The following CYP4F11 variants were observed in gnomAD, a reference collection of about 807,000 sequenced individuals.
CYP4F11 encodes cytochrome P450 4F11.
Under a neutral mutation model 62.2 loss-of-function variants are expected in CYP4F11, and 79 were observed. That is an observed-to-expected ratio of 1.27 (90% CI 1.06 to 1.53). The LOEUF is 1.53. Ranked by LOEUF, CYP4F11 falls within the 40% of genes most tolerant of loss-of-function variation. The pLI, the probability that CYP4F11 is intolerant of heterozygous loss-of-function variation, is 0.00. For missense variants in CYP4F11, 777 were observed against 680.5 expected (o/e 1.14, Z -1.58); for synonymous variants, 290 against 263.7 (o/e 1.10, Z -0.97).
Position 15,913,636 on chromosome 19 carries a change from A to G in CYP4F11, c.*96T>C. ...CCTTTCTTAGATCCCACCAGTCCCCAGGAGCCCCATGCTGGCTGTCAACGA... is the reference window on the plus strand; with the variant it reads ...CCTTTCTTAGATCCCACCAGTCCCCGGGAGCCCCATGCTGGCTGTCAACGA... On this transcript the variant is annotated 3_prime_UTR_variant, in exon 12 of 12. Coordinates refer to ENST00000402119, the MANE Select transcript of CYP4F11 (RefSeq NM_021187.4). 1 of 1,492,218 alleles carries G rather than the reference A, an allele frequency of 6.7e-7. No homozygotes were observed. The highest frequency in any genetic ancestry group is 9.2e-7 in the Non-Finnish European group (1 of 1,087,374). 92.4% of individuals were successfully genotyped at this position (1,492,218 alleles called of 1,614,324 possible).
At chr19:15,931,537 T>C (rs1183481455) in intron 1 of CYP4F11, among the ~76,000 whole-genome samples, 1 of 100,184 alleles carries the variant, frequency 1.0e-5, no homozygotes, top group Admixed American at 9.6e-5. Context: ...GAGGAATGAG[T>C]GAGCGGGGAG....
In CYP4F11 at chr19:15,914,803, G is replaced by C. The variant is rs774851894; in HGVS notation, c.1208C>G (p.Thr403Arg). 4.3e-6 allele frequency: 7 copies of C among 1,614,154 alleles called. No individual in the cohort carries two copies. The East Asian group carries it at 1.3e-4, about 31-fold the overall frequency. The stretch of plus-strand genomic sequence containing the variant: ...GCCGTCTGGGAGCACAAAGTCCTGC[G>C]TGCAACATCGGGAGATGACCGGGAC... ...PPVPVISRCC[T>R]QDFVLPDGRV... is the part of the protein sequence containing the mutation. Residue 403 changes from threonine to arginine, a missense_variant, in exon 9 of 12, where the codon ACG becomes AGG. Transcript: ENST00000402119.
intron 1 of CYP4F11, 87 bp downstream of exon 1, chr19:15,934,124 C>T: frequency 2.0e-6 from 3 of 1,473,242 alleles, no homozygotes; most frequent in South Asian, 2.4e-5. Flanking sequence ...CAGCCACCCT[C>T]AAAACCCAGC....
chr19:15,923,092 A>G (rs575651407), intron 6 of CYP4F11, among the ~76,000 whole-genome samples: 59 of 152,322 alleles, frequency 3.9e-4, no homozygotes, highest in African/African-American at 1.4e-3. Flanking sequence ...TATTACTCTG[A>G]ATGTATTTGC....
intron 8 of CYP4F11, among the ~76,000 whole-genome samples, chr19:15,920,285 T>C (rs938384656): frequency 4.6e-5 from 7 of 152,108 alleles, no homozygotes; most frequent in Non-Finnish European, 8.8e-5. Context: ...TAAAGATACA[T>C]TGTTAGTGGG....
chr19:15,921,084 CTCTCTCTCTCTCTCTCTCT>C (rs2089624997), intron 8 of CYP4F11, among the ~76,000 whole-genome samples: 1 of 139,622 alleles, frequency 7.2e-6, no homozygotes, highest in African/African-American at 2.9e-5. Flanking sequence ...CTCTCTCTCT[CTCTCTCTCTCTCTCTCTCT>C]CCCTCTCTCT....
Position 15,913,657 on chromosome 19 carries a change from A to C in CYP4F11, c.*75T>G. 1 of 1,581,388 alleles carries C rather than the reference A, an allele frequency of 6.3e-7. No homozygotes were observed. Among genetic ancestry groups the C allele is most frequent in the Non-Finnish European group, 8.6e-7 (1 of 1,156,190 alleles). The stretch of plus-strand genomic sequence containing the variant: ...CCCCAGGAGCCCCATGCTGGCTGTC[A>C]ACGAGGCTCAAGCAGAGGTGTCAGC... On this transcript the variant is annotated 3_prime_UTR_variant, in exon 12 of 12. Coordinates refer to ENST00000402119, the MANE Select transcript of CYP4F11 (RefSeq NM_021187.4).
intron 8 of CYP4F11, among the ~76,000 whole-genome samples, chr19:15,918,920 T>A (rs1197535968): frequency 1.4e-5 from 2 of 138,738 alleles, no homozygotes; most frequent in African/African-American, 5.2e-5. Flanking sequence ...AAATATGGAA[T>A]GTTATGCCAT....
At chr19:15,921,987 G>A in intron 8 of CYP4F11, 50 bp downstream of exon 8, 1 of 1,517,958 alleles carries the variant, frequency 6.6e-7, no homozygotes, top group Non-Finnish European at 8.8e-7. Flanking sequence ...CCCACCTGAG[G>A]AGCAGAACCA....
chr19:15,928,771 G>T (rs190133357), intron 2 of CYP4F11, among the ~76,000 whole-genome samples: 10 of 152,318 alleles, frequency 6.6e-5, no homozygotes, highest in Admixed American at 2.0e-4. Flanking sequence ...CCCAGACTGG[G>T]GTGGGATCTC....
chr19:15,914,149 C>T (rs993581430), intron 11 of CYP4F11, among the ~76,000 whole-genome samples, 156 bp downstream of exon 11: 2 of 152,150 alleles, frequency 1.3e-5, no homozygotes, highest in Non-Finnish European at 2.9e-5. Context: ...GCAGACCCCT[C>T]TAGGACCTTC....
chr19:15,925,549 A>G (rs560469377), intron 4 of CYP4F11, among the ~76,000 whole-genome samples: 1 of 151,998 alleles, frequency 6.6e-6, no homozygotes, highest in Non-Finnish European at 1.5e-5. Flanking sequence ...AAGCATAAGG[A>G]CAAATACCTA....
At chr19:15,928,810 G>A (rs997302194) in intron 2 of CYP4F11, among the ~76,000 whole-genome samples, 5 of 152,148 alleles carry the variant, frequency 3.3e-5, no homozygotes, top group African/African-American at 7.2e-5. Flanking sequence ...GCCTGGAGCA[G>A]GAGAGCCATG....
Position 15,913,065 on chromosome 19 carries a change from G to A in CYP4F11, c.*667C>T, listed in dbSNP as rs887435015. The A allele has an allele frequency of 2.6e-5, 4 of 154,348 alleles. No homozygotes were observed. Among genetic ancestry groups the A allele is most frequent in the African/African-American group, 4.8e-5 (2 of 41,352 alleles). 9.6% of individuals were successfully genotyped at this position (154,348 alleles called of 1,614,324 possible). On this transcript the variant is annotated 3_prime_UTR_variant, in exon 12 of 12. Transcript: ENST00000402119. ...TCAGGAAAACCCTGATATAGGTAAT[G>A]CTGTTGTCTCCATTATATGGTTGAG...
chr19:15,914,793 A>C lies in CYP4F11; in HGVS notation c.1218T>G (p.Phe406Leu), dbSNP rs1474217759. The change falls in exon 9 of 12, where the codon TTT (phenylalanine) becomes TTG (leucine). Residue 406 changes from phenylalanine to leucine, a missense_variant. By Grantham distance (22) the Phe-to-Leu change is conservative. Coordinates refer to ENST00000402119, the MANE Select transcript of CYP4F11 (RefSeq NM_021187.4). ...GGATGACGCGGCCGTCTGGGAGCAC[A>C]AAGTCCTGCGTGCAACATCGGGAGA... ...PVISRCCTQDFVLPDGRVIPK... is the reference protein window; with the variant it reads ...PVISRCCTQDLVLPDGRVIPK... 1.2e-6 allele frequency: 2 copies of C among 1,614,058 alleles called. No homozygotes were observed. Among genetic ancestry groups the C allele is most frequent in the African/African-American group, 2.7e-5 (2 of 74,912 alleles).
chr19:15,920,222 TA>T (rs1401798951), intron 8 of CYP4F11, among the ~76,000 whole-genome samples: 1 of 152,124 alleles, frequency 6.6e-6, no homozygotes, highest in African/African-American at 2.4e-5. Context: ...AAAGACAAAT[TA>T]AAAAACAAAC....
chr19:15,925,335 C>T (rs766092813), intron 4 of CYP4F11, among the ~76,000 whole-genome samples: 2 of 152,122 alleles, frequency 1.3e-5, no homozygotes, highest in Non-Finnish European at 2.9e-5. Flanking sequence ...CAACCAAAGC[C>T]TCATGGGGTT....
At position 15,922,136 on chromosome 19, in the gene CYP4F11, C is replaced by T; in HGVS notation, c.1016G>A (p.Trp339Ter). 1.9e-6 allele frequency: 3 copies of T among 1,613,334 alleles called. No homozygotes were observed. Among genetic ancestry groups the T allele is most frequent in the Non-Finnish European group, 2.5e-6 (3 of 1,179,732 alleles). Residue 339 changes from tryptophan to a stop codon, truncating the protein, a stop_gained, in exon 8 of 12, where the codon TGG becomes TAG. Transcript: ENST00000402119. LOFTEE classifies it high-confidence loss of function. ...GTGCTTTGCAAGGTGGTATAGGACCCAGGAGAGACCACTGGCTGTAGTGTC... is the reference window on the plus strand; with the variant it reads ...GTGCTTTGCAAGGTGGTATAGGACCTAGGAGAGACCACTGGCTGTAGTGTC... The part of the protein sequence containing the change: ...GHDTTASGLS[W>*]VLYHLAKHPE...
In CYP4F11 at chr19:15,922,396, A is replaced by G; in HGVS notation, c.953T>C (p.Ile318Thr). The G allele has an allele frequency of 1.2e-6, 2 of 1,614,118 alleles. No homozygotes were observed. Among genetic ancestry groups the G allele is most frequent in the East Asian group, 2.2e-5 (1 of 44,872 alleles). ...EDGKELSDED[I>T]RAEADTFMFE... Reference sequence around the variant, plus strand: ...CATGAAGGTGTCAGCTTCTGCTCTTATGTCCTCATCAGACAATTCCTTCCC... The same window carrying G: ...CATGAAGGTGTCAGCTTCTGCTCTTGTGTCCTCATCAGACAATTCCTTCCC... The change falls in exon 7 of 12, where the codon ATA (isoleucine) becomes ACA (threonine). Residue 318 changes from isoleucine (I) to threonine (T), a missense_variant. Coordinates refer to ENST00000402119, the MANE Select transcript of CYP4F11 (RefSeq NM_021187.4).
Sources: gnomAD v4.1 joint callset for allele counts (sites outside exome capture counted in the v4.1 genomes callset) on GRCh38, gnomAD v4.1.1 for gene constraint, MANE v1.5 for transcripts, NCBI Gene and HGNC (gene_info 2026-07-23, HGNC 2026-07-21) for gene names.